The following CSMD1 variants were observed in gnomAD, a reference collection of about 807,000 sequenced individuals.
CSMD1 encodes the protein CUB and Sushi multiple domains 1.
In CSMD1, 213 loss-of-function variants were observed where a neutral mutation model predicts 417.5. That is an observed-to-expected ratio of 0.51 (90% CI 0.46 to 0.57). The LOEUF (loss-of-function observed/expected upper bound fraction) is 0.57, where lower values mean the gene tolerates loss of function less well. CSMD1 is among the 20% of genes least tolerant of loss of function. CSMD1 has a pLI of 0.00. For synonymous variants in CSMD1, 2,862 were observed against 1,736.8 expected (o/e 1.65, Z -16.11); for missense variants, 6,923 against 4,529.7 (o/e 1.53, Z -15.17).
intron 2 of CSMD1, among the ~76,000 whole-genome samples, chr8:4,591,418 G>C (rs1274363059): frequency 6.6e-6 from 1 of 152,322 alleles, no homozygotes. Context: ...TGAAAGAAAA[G>C]CATTCCAAAC....
chr8:3,635,793 CAAAA>C (rs752552617), intron 7 of CSMD1, among the ~76,000 whole-genome samples: 25 of 99,258 alleles, frequency 2.5e-4, no homozygotes, highest in East Asian at 1.7e-3. Flanking sequence ...GCTTCCATCT[CAAAA>C]AAAAAAAAAA....
intron 27 of CSMD1, among the ~76,000 whole-genome samples, chr8:3,228,730 T>C (rs1307116736): frequency 1.3e-5 from 2 of 151,986 alleles, no homozygotes; most frequent in African/African-American, 4.8e-5. Context: ...CTCGTAGTTA[T>C]ATTGCTTTTT....
chr8:4,783,507 G>C (rs985180250), intron 1 of CSMD1, among the ~76,000 whole-genome samples: 5 of 152,184 alleles, frequency 3.3e-5, no homozygotes, highest in African/African-American at 1.2e-4. Context: ...ATTAAATAAA[G>C]AAAAACATTA....
chr8:4,303,271 C>A (rs1005542490), intron 3 of CSMD1, among the ~76,000 whole-genome samples: 4 of 151,932 alleles, frequency 2.6e-5, no homozygotes, highest in Non-Finnish European at 4.4e-5. Context: ...TAAAAGAAAA[C>A]AAAACAAAAA....
intron 6 of CSMD1, among the ~76,000 whole-genome samples, chr8:3,733,936 G>A (rs188717756): frequency 6.4e-4 from 97 of 152,072 alleles, no homozygotes; most frequent in African/African-American, 2.0e-3. Flanking sequence ...CCACAGTTTC[G>A]GCCATCCACT....
chr8:4,189,141 T>G (rs1192300428), intron 3 of CSMD1, among the ~76,000 whole-genome samples: 1 of 152,248 alleles, frequency 6.6e-6, no homozygotes. Flanking sequence ...ACCAAGTTTG[T>G]GAGTCATCTC....
At chr8:3,339,850 A>C (rs1292482959) in intron 23 of CSMD1, among the ~76,000 whole-genome samples, 1 of 152,190 alleles carries the variant, frequency 6.6e-6, no homozygotes, top group Non-Finnish European at 1.5e-5. Context: ...GCTCCATTGG[A>C]CATCATTATA....
chr8:4,149,771 G>A (rs74735370), intron 3 of CSMD1, among the ~76,000 whole-genome samples: 4,071 of 152,232 alleles, frequency 0.027, 187 homozygotes, highest in African/African-American at 0.091. Context: ...TGCTGGATGT[G>A]TCGTAGTTGC....
intron 3 of CSMD1, among the ~76,000 whole-genome samples, chr8:4,041,620 G>A (rs954282324): frequency 6.6e-6 from 1 of 152,064 alleles, no homozygotes; most frequent in Non-Finnish European, 1.5e-5. Context: ...ACGCAAAAAA[G>A]TAAGAAGATA....
At chr8:3,554,526 T>A (rs1000076117) in intron 10 of CSMD1, among the ~76,000 whole-genome samples, 5 of 152,056 alleles carry the variant, frequency 3.3e-5, no homozygotes, top group Non-Finnish European at 7.4e-5. Context: ...GGAATTGAGA[T>A]AATTGGTACC....
intron 25 of CSMD1, among the ~76,000 whole-genome samples, chr8:3,298,734 G>A (rs1235113427): frequency 1.3e-5 from 2 of 152,182 alleles, no homozygotes; most frequent in Non-Finnish European, 2.9e-5. Flanking sequence ...GATTACAGGC[G>A]TAAGCCATCG....
At chr8:3,650,340 G>C (rs1439540922) in intron 7 of CSMD1, among the ~76,000 whole-genome samples, 1 of 152,056 alleles carries the variant, frequency 6.6e-6, no homozygotes, top group Non-Finnish European at 1.5e-5. Context: ...GTTGAGTTAG[G>C]AAGATGAGTA....
intron 3 of CSMD1, among the ~76,000 whole-genome samples, chr8:4,036,959 GTGT>G (rs1563347430): frequency 8.4e-3 from 82 of 9,820 alleles, no homozygotes; most frequent in South Asian, 0.012. Flanking sequence ...AGTGTGGGGT[GTGT>G]GTGTGTGTGT....
At chr8:3,849,331 T>TG (rs1250010193) in intron 5 of CSMD1, among the ~76,000 whole-genome samples, 1 of 152,026 alleles carries the variant, frequency 6.6e-6, no homozygotes, top group Non-Finnish European at 1.5e-5. Context: ...CACCAGAATT[T>TG]GGGGAGATGA....
At chr8:3,006,327 C>T (rs796449639) in intron 52 of CSMD1, among the ~76,000 whole-genome samples, 60 of 150,064 alleles carry the variant, frequency 4.0e-4, no homozygotes, top group Non-Finnish European at 7.3e-4. Context: ...GAATCAATAT[C>T]GTGAAAATGG....
At chr8:4,226,269 G>C (rs550035507) in intron 3 of CSMD1, among the ~76,000 whole-genome samples, 12 of 152,226 alleles carry the variant, frequency 7.9e-5, no homozygotes, top group African/African-American at 2.9e-4. Flanking sequence ...ACCTTCAAAA[G>C]TATTTGGGTA....
intron 47 of CSMD1, among the ~76,000 whole-genome samples, chr8:3,095,701 T>C (rs1330563462): frequency 6.6e-6 from 1 of 152,184 alleles, no homozygotes; most frequent in African/African-American, 2.4e-5. Flanking sequence ...CAATGACAAA[T>C]CTTTCAAAAT....
chr8:4,086,911 G>A (rs1378349951), intron 3 of CSMD1, among the ~76,000 whole-genome samples: 1 of 152,188 alleles, frequency 6.6e-6, no homozygotes, highest in Non-Finnish European at 1.5e-5. Context: ...TCAGGCAAGG[G>A]TTGAAGCTTG....
chr8:3,313,908 G>A (rs1040964152), intron 23 of CSMD1, among the ~76,000 whole-genome samples: 1 of 152,124 alleles, frequency 6.6e-6, no homozygotes, highest in Non-Finnish European at 1.5e-5. Context: ...AAGAAAATGT[G>A]GCACATATAC....
Sources: allele counts gnomAD v4.1 joint callset (sites outside exome capture counted in the v4.1 genomes callset), GRCh38; gene constraint gnomAD v4.1.1; transcripts MANE v1.5; gene names NCBI Gene and HGNC (gene_info 2026-07-23, HGNC 2026-07-21).